The following PDE4D variants were observed in gnomAD, a reference collection of about 807,000 sequenced individuals.
The protein encoded by PDE4D is phosphodiesterase 4D, also known as 3',5'-cyclic-AMP phosphodiesterase 4D.
A neutral mutation model predicts 87.4 loss-of-function variants in PDE4D; 24 were observed. The ratio of observed to expected loss-of-function variants is 0.27; its 90% CI spans 0.20 to 0.39. The LOEUF is 0.39. Ranked by LOEUF, PDE4D falls within the 10% of genes least tolerant of loss-of-function variation. PDE4D has a pLI of 1.00. For missense variants in PDE4D, 714 were observed against 1,041.0 expected (o/e 0.69, Z 4.32); for synonymous variants, 384 against 383.2 (o/e 1.00, Z -0.02).
chr5:59,952,492 G>T (rs1482618342), intron 3 of PDE4D, among the ~76,000 whole-genome samples: 1 of 152,120 alleles, frequency 6.6e-6, no homozygotes, highest in Non-Finnish European at 1.5e-5. Context: ...ATTTTCCAAA[G>T]ATTAATATAC....
At chr5:59,492,026 G>C (rs1806301036) in intron 1 of PDE4D, among the ~76,000 whole-genome samples, 1 of 152,156 alleles carries the variant, frequency 6.6e-6, no homozygotes, top group Non-Finnish European at 1.5e-5. Context: ...TTTATCCAAA[G>C]AGAGAGAAAT....
At chr5:60,495,213 G>A (rs184458639) in intron 1 of PDE4D, among the ~76,000 whole-genome samples, 31 of 152,278 alleles carry the variant, frequency 2.0e-4, no homozygotes, top group African/African-American at 6.3e-4. Flanking sequence ...TCTAACTTCA[G>A]TCCATGGTAT....
chr5:60,177,848 G>A (rs1407619530), intron 2 of PDE4D, among the ~76,000 whole-genome samples: 1 of 152,078 alleles, frequency 6.6e-6, no homozygotes, highest in Non-Finnish European at 1.5e-5. Context: ...GTAAAGCTAA[G>A]CCACAAGATA....
rs369841043 is a variant in PDE4D, at chr5:59,975,268, ATC to A, written c.272+13218_272+13219del. 6.6e-5 allele frequency among the ~76,000 whole-genome samples: 10 copies of A among 152,152 alleles called. No individual in the cohort carries two copies. The East Asian group carries it at 1.9e-3, about 29-fold the overall frequency. ...TGTGGAGGCATCACCTCATGCCCCG[ATC>A]TCTCAGTTCCTCAGCTACATCTTTT... On this transcript the variant is annotated intron_variant, in intron 3 of 16. Transcript: ENST00000502484.
At chr5:59,098,492 G>A (rs906048278) in intron 5 of PDE4D, among the ~76,000 whole-genome samples, 21 of 151,646 alleles carry the variant, frequency 1.4e-4, no homozygotes, top group Admixed American at 1.3e-3. Context: ...GAGTACATGA[G>A]TTTGAGACCA....
intron 1 of PDE4D, among the ~76,000 whole-genome samples, chr5:60,332,900 G>C (rs1757429160): frequency 6.6e-6 from 1 of 152,206 alleles, no homozygotes; most frequent in Non-Finnish European, 1.5e-5. Flanking sequence ...AATATGCTGA[G>C]ATCAGGAATT....
chr5:59,426,242 C>T (rs746565747), intron 1 of PDE4D, among the ~76,000 whole-genome samples: 2 of 152,138 alleles, frequency 1.3e-5, no homozygotes, highest in Non-Finnish European at 2.9e-5. Context: ...TTTAAGCCAC[C>T]AAATCTGTAG....
At chr5:59,237,758 G>A (rs74691513) in intron 1 of PDE4D, among the ~76,000 whole-genome samples, 4,410 of 149,378 alleles carry the variant, frequency 0.03, 232 homozygotes, top group African/African-American at 0.1. Flanking sequence ...TTATCACATG[G>A]GGAAATCATA....
chr5:59,286,385 G>A (rs1484093521), intron 1 of PDE4D, among the ~76,000 whole-genome samples: 1 of 152,150 alleles, frequency 6.6e-6, no homozygotes, highest in Non-Finnish European at 1.5e-5. Flanking sequence ...CTTACATTAG[G>A]ACTTAAACTT....
intron 1 of PDE4D, among the ~76,000 whole-genome samples, chr5:59,592,595 T>C (rs1310240695): frequency 3.9e-5 from 6 of 152,182 alleles, no homozygotes; most frequent in Non-Finnish European, 8.8e-5. Flanking sequence ...TCTTAAATGA[T>C]AAATTCTTTT....
chr5:59,931,556 T>A (rs1288601231), intron 3 of PDE4D, among the ~76,000 whole-genome samples: 1 of 152,142 alleles, frequency 6.6e-6, no homozygotes, highest in Non-Finnish European at 1.5e-5. Context: ...CAGGTCTCTC[T>A]TCCTCTCCTT....
intron 11 of PDE4D, among the ~76,000 whole-genome samples, chr5:58,984,159 G>C (rs1432364732): frequency 6.6e-6 from 1 of 152,196 alleles, no homozygotes; most frequent in Non-Finnish European, 1.5e-5. Context: ...AAGGACTTCA[G>C]AAACAAACAT....
intron 5 of PDE4D, among the ~76,000 whole-genome samples, chr5:59,153,947 G>A (rs1010503528): frequency 2.0e-5 from 3 of 152,094 alleles, no homozygotes; most frequent in Non-Finnish European, 2.9e-5. Context: ...AGAGAGAAGC[G>A]AGTTTTAGAT....
chr5:60,079,419 C>T (rs536316662), intron 2 of PDE4D, among the ~76,000 whole-genome samples: 25 of 152,102 alleles, frequency 1.6e-4, no homozygotes, highest in Admixed American at 6.5e-5. Context: ...GTTGCAATTG[C>T]CTTTGGTGTT....
chr5:59,755,620 T>G (rs1761105302), intron 1 of PDE4D, among the ~76,000 whole-genome samples: 1 of 152,068 alleles, frequency 6.6e-6, no homozygotes, highest in Non-Finnish European at 1.5e-5. Context: ...TCATATATAT[T>G]TTAGTTATTA....
At chr5:59,329,093 G>A (rs535633697) in intron 1 of PDE4D, among the ~76,000 whole-genome samples, 263 of 152,322 alleles carry the variant, frequency 1.7e-3, no homozygotes, top group African/African-American at 6.1e-3. Flanking sequence ...ATCCAAGAGT[G>A]CAAGGCAGAG....
chr5:59,528,920 C>G (rs1438015344), intron 1 of PDE4D: 1 of 397,974 alleles, frequency 2.5e-6, no homozygotes, highest in Non-Finnish European at 5.0e-6. Context: ...ACCCTCGACT[C>G]AGCCAAATAT....
intron 1 of PDE4D, among the ~76,000 whole-genome samples, chr5:59,665,688 A>G (rs1745965515): frequency 6.6e-6 from 1 of 152,174 alleles, no homozygotes; most frequent in African/African-American, 2.4e-5. Flanking sequence ...CTAATCACCA[A>G]TGCAATAGTG....
At chr5:60,369,405 T>C (rs112171734) in intron 1 of PDE4D, among the ~76,000 whole-genome samples, 4 of 152,104 alleles carry the variant, frequency 2.6e-5, no homozygotes, top group African/African-American at 9.7e-5. Context: ...TATTTCCCCA[T>C]GGGTTCAGAA....
Sources: gnomAD v4.1 joint callset for allele counts (sites outside exome capture counted in the v4.1 genomes callset) on GRCh38, gnomAD v4.1.1 for gene constraint, MANE v1.5 for transcripts, NCBI Gene and HGNC (gene_info 2026-07-23, HGNC 2026-07-21) for gene names.